OR2A12: variants seen among roughly 807,000 people sequenced by gnomAD.
OR2A12 encodes olfactory receptor family 2 subfamily A member 12.
For missense variants in OR2A12, 380 were observed against 372.5 expected, an observed-to-expected ratio of 1.02 and a Z score of -0.17; for synonymous variants, 153 against 149.3, an observed-to-expected ratio of 1.02 and a Z score of -0.18.
At chr7:144,092,952 T>C (rs1199767869) in intron 1 of OR2A12, among the ~76,000 whole-genome samples, 1 of 152,122 alleles carries the variant, frequency 6.6e-6, no homozygotes, top group Non-Finnish European at 1.5e-5. Flanking sequence ...ATTGATCCAA[T>C]AGAAATTCCA....
At position 144,097,056 on chromosome 7, in the gene OR2A12, C is replaced by A. The variant is rs1250858537; in HGVS notation, c.*1016C>A. On this transcript the variant is annotated 3_prime_UTR_variant, in exon 2 of 2. Transcript: ENST00000641592. Reference sequence around the variant, plus strand: ...ACACACGCACACACGCACACACACACACACTCACACGTGCACACACATTTG... The same window carrying A: ...ACACACGCACACACGCACACACACAAACACTCACACGTGCACACACATTTG... The A allele has an allele frequency of 6.6e-6, 1 of 152,062 alleles. No individual in the cohort carries two copies. The highest frequency in any genetic ancestry group is 2.4e-5 in the African/African-American group (1 of 41,394). The allele number at this position is 152,062 out of a possible 1,614,324, so 9.4% of individuals were successfully genotyped here. A position where few individuals can be genotyped will look rare whatever the true frequency, so the allele number is the denominator to read the frequency against.
chr7:144,095,009 A>C, intron 1 of OR2A12, 48 bp from the exon 2 acceptor site: 1 of 785,948 alleles, frequency 1.3e-6, no homozygotes, highest in Non-Finnish European at 2.0e-6. Context: ...GGCCTCTGGC[A>C]TAAAATTCAT....
At position 144,095,754 on chromosome 7, in the gene OR2A12, C is replaced by G. The variant is rs753704493; in HGVS notation, c.647C>G (p.Ser216Cys). The change falls in exon 2 of 2, where the codon TCC becomes TGC. Residue 216 changes from serine to cysteine, a missense_variant. Physicochemically the swap from Ser to Cys is moderately radical, Grantham distance 112 (BLOSUM62 -1). Transcript: ENST00000641592. Reference protein sequence around the residue: ...LVGPLCLVLVSYLHILVAILR... With the variant: ...LVGPLCLVLVCYLHILVAILR... ...GGGCCGCTCTGCCTGGTGCTGGTCT[C>G]CTACTTGCACATCCTGGTGGCCATC... 6 of 1,614,012 alleles carry G rather than the reference C, an allele frequency of 3.7e-6. No homozygotes were observed. In the African/African-American group the frequency reaches 8.0e-5, roughly 22 times the overall value.
intron 1 of OR2A12, among the ~76,000 whole-genome samples, chr7:144,093,485 T>C (rs911519204): frequency 4.0e-5 from 6 of 151,390 alleles, no homozygotes; most frequent in Non-Finnish European, 7.4e-5. Context: ...TATATTTCTC[T>C]TTTTTTTAAT....
intron 1 of OR2A12, among the ~76,000 whole-genome samples, chr7:144,090,456 T>A (rs890156462): frequency 3.9e-5 from 6 of 152,176 alleles, no homozygotes; most frequent in African/African-American, 1.4e-4. Flanking sequence ...ATTAAATTTT[T>A]AAAAATTAAG....
At position 144,095,879 on chromosome 7, in the gene OR2A12, T is replaced by C; in HGVS notation, c.772T>C (p.Tyr258His). The change falls in exon 2 of 2, where the codon TAC becomes CAC. Residue 258 changes from tyrosine to histidine, a missense_variant. By Grantham distance (83) the Tyr-to-His change is moderately conservative (BLOSUM62 2). Coordinates refer to ENST00000641592, the MANE Select transcript of OR2A12 (RefSeq NM_001004135.2). The stretch of plus-strand genomic sequence containing the variant: ...TTTCTTTGGCAGCGCCATTGTCATG[T>C]ACATGGCCCCCAAGTCAAGCCATTC... ...GLFFGSAIVM[Y>H]MAPKSSHSQE... 2 of 1,614,132 alleles carry C rather than the reference T, an allele frequency of 1.2e-6. No homozygotes were observed. Among genetic ancestry groups the C allele is most frequent in the Non-Finnish European group, 1.7e-6 (2 of 1,180,032 alleles).
Position 144,096,044 on chromosome 7 carries a change from A to C in OR2A12, c.*4A>C, listed in dbSNP as rs1434620655. On this transcript the variant is annotated 3_prime_UTR_variant, in exon 2 of 2. Coordinates refer to ENST00000641592, the MANE Select transcript of OR2A12 (RefSeq NM_001004135.2). The stretch of plus-strand genomic sequence containing the variant: ...TTGGAAACAGAGATCAATGTGAAGA[A>C]TCATTTGAGATATCCTGAGTGTGTA... 1 of 1,568,702 alleles carries C rather than the reference A, an allele frequency of 6.4e-7. No individual in the cohort carries two copies. Among genetic ancestry groups the C allele is most frequent in the African/African-American group, 1.4e-5 (1 of 73,316 alleles).
chr7:144,092,660 T>C (rs1487093806), intron 1 of OR2A12, among the ~76,000 whole-genome samples: 4 of 152,128 alleles, frequency 2.6e-5, no homozygotes, highest in Non-Finnish European at 5.9e-5. Flanking sequence ...TGTATAGAAA[T>C]TCTAGTGATT....
Position 144,098,262 on chromosome 7 carries a change from T to C in OR2A12, c.*2222T>C, listed in dbSNP as rs1376619859. On this transcript the variant is annotated 3_prime_UTR_variant, in exon 2 of 2. Coordinates refer to ENST00000641592, the MANE Select transcript of OR2A12 (RefSeq NM_001004135.2). ...ATGTGTGTTGTCAGTTTACAATCAG[T>C]AATATACAAGATCGTCGTACACATC... 1 of 152,158 alleles carries C rather than the reference T, an allele frequency of 6.6e-6. No individual in the cohort carries two copies. Among genetic ancestry groups the C allele is most frequent in the African/African-American group, 2.4e-5 (1 of 41,434 alleles). The allele number at this position is 152,158 out of a possible 1,614,324, so 9.4% of individuals were successfully genotyped here.
chr7:144,089,805 A>G (rs1371600189), intron 1 of OR2A12, among the ~76,000 whole-genome samples: 2 of 152,130 alleles, frequency 1.3e-5, no homozygotes, highest in African/African-American at 4.8e-5. Context: ...TATTATTTCC[A>G]AAAGATTTAA....
chr7:144,095,647 C>T lies in OR2A12; in HGVS notation c.540C>T (p.Ile180=). 1 of 1,614,104 alleles carries T rather than the reference C, an allele frequency of 6.2e-7. No individual in the cohort carries two copies. The highest frequency in any genetic ancestry group is 8.5e-7 in the Non-Finnish European group (1 of 1,180,028). ...PQKINHFFCQ[I]MSVFKLACAD... ...AGATCAACCACTTTTTCTGTCAAATCATGTCCGTATTCAAATTGGCCTGTG... is the reference window on the plus strand; with the variant it reads ...AGATCAACCACTTTTTCTGTCAAATTATGTCCGTATTCAAATTGGCCTGTG... Residue 180 remains isoleucine, a synonymous_variant, in exon 2 of 2, where the codon ATC becomes ATT. Transcript: ENST00000641592.
At chr7:144,092,722 A>AT (rs952471332) in intron 1 of OR2A12, among the ~76,000 whole-genome samples, 2 of 151,982 alleles carry the variant, frequency 1.3e-5, no homozygotes, top group Admixed American at 1.3e-4. Flanking sequence ...AAATTAAGGA[A>AT]TTTTTTTTCT....
rs542744452 is a variant in OR2A12 at position 144,098,747 on chromosome 7, A to C, written c.*2707A>C. ...GTCTACACATGGCAGAGAGAGAGAG[A>C]GCCCATATTCTCAATACAATACTAA... On this transcript the variant is annotated 3_prime_UTR_variant, in exon 2 of 2. Transcript: ENST00000641592. The C allele has an allele frequency of 6.6e-6, 1 of 152,386 alleles. No individual in the cohort carries two copies. Among genetic ancestry groups the C allele is most frequent in the South Asian group, 2.1e-4 (1 of 4,830 alleles). The allele number at this position is 152,386 out of a possible 1,614,324, so 9.4% of individuals were successfully genotyped here.
rs778713436 is a variant in OR2A12, at chr7:144,095,217, C to A, written c.110C>A (p.Thr37Asn). The A allele has an allele frequency of 2.5e-6, 4 of 1,613,836 alleles. No homozygotes were observed. Among genetic ancestry groups the A allele is most frequent in the Non-Finnish European group, 3.4e-6 (4 of 1,179,814 alleles). Residue 37 changes from threonine (T) to asparagine (N), a missense_variant, in exon 2 of 2, where the codon ACC becomes AAC. Thr to Asn is a moderately conservative substitution (Grantham distance 65). Coordinates refer to ENST00000641592, the MANE Select transcript of OR2A12 (RefSeq NM_001004135.2). ...TTTTTCTTGCTATTCTACAGCTTAA[C>A]CCTGATGGGAAATGGGATTATCCTG... is the stretch of plus-strand genomic sequence containing the variant. ...FGFFLLFYSL[T>N]LMGNGIILGL...
At chr7:144,094,458 GTTCCAGGTATTACTGTCTGC>G (rs1387889609) in intron 1 of OR2A12, among the ~76,000 whole-genome samples, 4 of 152,166 alleles carry the variant, frequency 2.6e-5, no homozygotes, top group Admixed American at 6.5e-5. Context: ...TAAAAGCTAA[GTTCCAGGTATTACTGTCTGC>G]TTCCAGACTT....
intron 1 of OR2A12, among the ~76,000 whole-genome samples, chr7:144,090,464 A>G (rs1458725724): frequency 6.6e-6 from 1 of 152,104 alleles, no homozygotes; most frequent in East Asian, 1.9e-4. Context: ...TTTAAAAATT[A>G]AGATGAGATA....
chr7:144,087,785 C>T (rs1420789537), intron 1 of OR2A12, among the ~76,000 whole-genome samples: 2 of 152,114 alleles, frequency 1.3e-5, no homozygotes, highest in East Asian at 1.9e-4. Flanking sequence ...AAGAAACGTT[C>T]GCTACTCTCA....
intron 1 of OR2A12, among the ~76,000 whole-genome samples, chr7:144,089,725 C>T (rs915259031): frequency 1.3e-5 from 2 of 152,086 alleles, no homozygotes; most frequent in African/African-American, 4.8e-5. Flanking sequence ...AATCTAAAGT[C>T]ACTCCTAGTT....
intron 1 of OR2A12, among the ~76,000 whole-genome samples, chr7:144,088,911 A>G (rs1475023975): frequency 1.3e-5 from 2 of 152,206 alleles, no homozygotes; most frequent in African/African-American, 4.8e-5. Flanking sequence ...AAGAACACCA[A>G]AACATGGCCC....
Sources: allele counts gnomAD v4.1 joint callset (sites outside exome capture counted in the v4.1 genomes callset), GRCh38; gene constraint gnomAD v4.1.1; transcripts MANE v1.5; gene names NCBI Gene and HGNC (gene_info 2026-07-23, HGNC 2026-07-21).